Variants in CNTN5 observed in about 807,000 individuals in gnomAD.
CNTN5 encodes contactin 5, also known as contactin-5.
In CNTN5, 77 loss-of-function variants were observed where a neutral mutation model predicts 129.1. That is an observed-to-expected ratio of 0.60 (90% CI 0.50 to 0.72). The LOEUF (loss-of-function observed/expected upper bound fraction) is 0.72. CNTN5 is among the 30% of genes least tolerant of loss of function. CNTN5 has a pLI of 0.00. For missense variants in CNTN5, 1,478 were observed against 1,328.8 expected (o/e 1.11, Z -1.75); for synonymous variants, 509 against 465.6 (o/e 1.09, Z -1.20).
Position 99,030,780 on chromosome 11 carries a change from CT to C in CNTN5, c.-210+9528del, listed in dbSNP as rs71305325. ...AAATGTGGCGTCTAATGCTAACTCT[CT>C]TTTTTTTTTTTTTTTTTGAGATGGA... On this transcript the variant is annotated intron_variant, in intron 1 of 24. Coordinates refer to ENST00000524871, the MANE Select transcript of CNTN5 (RefSeq NM_014361.4). 8.9e-3 allele frequency among the ~76,000 whole-genome samples: 1,075 copies of C among 120,186 alleles called. 6 individuals are homozygous for C. Among genetic ancestry groups the C allele is most frequent in the African/African-American group, 0.029 (907 of 31,554 alleles). The allele number at this position is 120,186 out of a possible 152,430, so 78.8% of individuals were successfully genotyped here. A position where few individuals can be genotyped will look rare whatever the true frequency, so the allele number is the denominator to read the frequency against.
chr11:99,132,302 G>A (rs182309352), intron 1 of CNTN5, among the ~76,000 whole-genome samples: 2 of 152,150 alleles, frequency 1.3e-5, no homozygotes, highest in African/African-American at 4.8e-5. Flanking sequence ...ATATCATAAT[G>A]AAAGGGCAAC....
intron 9 of CNTN5, among the ~76,000 whole-genome samples, chr11:100,013,514 C>A (rs116547435): frequency 1.2e-3 from 189 of 152,262 alleles, no homozygotes; most frequent in African/African-American, 4.4e-3. Context: ...TAAAACTAAA[C>A]TTCTACCTTG....
chr11:99,954,850 T>C (rs144979756), intron 7 of CNTN5, among the ~76,000 whole-genome samples: 2 of 152,286 alleles, frequency 1.3e-5, no homozygotes, highest in African/African-American at 4.8e-5. Context: ...CTTCACTACA[T>C]GAAACTGAAA....
intron 1 of CNTN5, among the ~76,000 whole-genome samples, chr11:99,037,644 G>A (rs114759079): frequency 0.012 from 1,755 of 141,148 alleles, 37 homozygotes; most frequent in African/African-American, 0.044. Context: ...GCAGTGATGC[G>A]ATCTCGGTTC....
At chr11:99,882,603 T>C (rs1430749401) in intron 6 of CNTN5, among the ~76,000 whole-genome samples, 1 of 152,168 alleles carries the variant, frequency 6.6e-6, no homozygotes, top group African/African-American at 2.4e-5. Context: ...TGTATGTGTT[T>C]ATGGGGTACA....
At position 99,529,227 on chromosome 11, in the gene CNTN5, C is replaced by T. The variant is rs139905651; in HGVS notation, c.-70-26918C>T. On this transcript the variant is annotated intron_variant, in intron 2 of 24. Transcript: ENST00000524871. ...GAGGGCAGATCTTCCCCACCTGATC[C>T]ACTCAGGTTCGCACACTAGTCTCCT... 1.1e-4 allele frequency among the ~76,000 whole-genome samples: 17 copies of T among 152,280 alleles called. No homozygotes were observed. The East Asian group carries it at 2.5e-3, about 22-fold the overall frequency.
At chr11:100,341,239 C>T (rs200948215) in intron 23 of CNTN5, 34 bp downstream of exon 23, 1 of 1,427,496 alleles carries the variant, frequency 7.0e-7, no homozygotes, top group Non-Finnish European at 9.9e-7. Flanking sequence ...CATAGATACT[C>T]ATCTCCGAAA....
At chr11:99,827,202 G>A (rs548233579) in intron 4 of CNTN5, among the ~76,000 whole-genome samples, 118 of 152,078 alleles carry the variant, frequency 7.8e-4, no homozygotes, top group Middle Eastern at 3.4e-3. Context: ...ATTCTCTAAC[G>A]TCAGCCTCTC....
intron 13 of CNTN5, among the ~76,000 whole-genome samples, chr11:100,101,716 T>C (rs995985801): frequency 6.6e-5 from 10 of 152,222 alleles, no homozygotes; most frequent in African/African-American, 2.4e-4. Context: ...TGTAGTCTTT[T>C]ATTGCTCACC....
At chr11:99,344,728 A>G (rs114246403) in intron 2 of CNTN5, among the ~76,000 whole-genome samples, 117 of 152,334 alleles carry the variant, frequency 7.7e-4, no homozygotes, top group African/African-American at 2.7e-3. Context: ...TGAGCAGCAC[A>G]CTGCTTGGTG....
intron 2 of CNTN5, among the ~76,000 whole-genome samples, chr11:99,535,074 TA>T (rs1222243977): frequency 6.6e-6 from 1 of 152,186 alleles, no homozygotes; most frequent in Non-Finnish European, 1.5e-5. Context: ...ATGAAGAATA[TA>T]GTCTGCACTA....
intron 7 of CNTN5, among the ~76,000 whole-genome samples, chr11:99,919,802 ATTTAT>A (rs145689745): frequency 0.19 from 27,360 of 147,526 alleles, 3,064 homozygotes; most frequent in African/African-American, 0.31. Context: ...TTTCTAGAAT[ATTTAT>A]TTTATTTTAT....
At chr11:99,409,500 C>T (rs976262630) in intron 2 of CNTN5, among the ~76,000 whole-genome samples, 3 of 152,114 alleles carry the variant, frequency 2.0e-5, no homozygotes, top group Non-Finnish European at 4.4e-5. Flanking sequence ...AATAAAGGCA[C>T]TGACAAAAAT....
intron 2 of CNTN5, among the ~76,000 whole-genome samples, chr11:99,399,879 TAGA>T (rs934639215): frequency 2.5e-4 from 38 of 152,066 alleles, no homozygotes; most frequent in African/African-American, 8.4e-4. Context: ...TGTGGGTACA[TAGA>T]AGGTGGATAC....
rs1398385638 is a variant in CNTN5, at chr11:99,845,240, A to G, written c.555A>G (p.Arg185=). ...ACACTGTGGGGAGTATTCTTAGTAGAGAAGCTACACTGCAGTTTGCCTGTG... is the reference window on the plus strand; with the variant it reads ...ACACTGTGGGGAGTATTCTTAGTAGGGAAGCTACACTGCAGTTTGCCTGTG... The part of the protein sequence containing the change: ...ATNTVGSILS[R]EATLQFAYLG... Residue 185 remains arginine, a synonymous_variant, in exon 6 of 25, where the codon AGA becomes AGG. Coordinates refer to ENST00000524871, the MANE Select transcript of CNTN5 (RefSeq NM_014361.4). 1.2e-6 allele frequency: 2 copies of G among 1,612,690 alleles called. No individual in the cohort carries two copies. Among genetic ancestry groups the G allele is most frequent in the Non-Finnish European group, 1.7e-6 (2 of 1,179,298 alleles).
chr11:99,758,070 T>C (rs991162739), intron 3 of CNTN5, among the ~76,000 whole-genome samples: 5 of 152,110 alleles, frequency 3.3e-5, no homozygotes, highest in Non-Finnish European at 7.4e-5. Flanking sequence ...GTTGTCATAC[T>C]GTTGCTTTGA....
chr11:100,011,777 A>AT (rs1940548982), intron 9 of CNTN5, among the ~76,000 whole-genome samples: 1 of 152,110 alleles, frequency 6.6e-6, no homozygotes, highest in Admixed American at 6.6e-5. Flanking sequence ...CTAGTTATCA[A>AT]TTCATAAAAT....
At position 99,150,330 on chromosome 11, in the gene CNTN5, C is replaced by T. The variant is rs113507696; in HGVS notation, c.-210+129060C>T. ...TAAAATGCCTGCTTAGGCTTTTTAA[C>T]ATATCAAATAACATATCATGTATTT... On this transcript the variant is annotated intron_variant, in intron 1 of 24. Coordinates refer to ENST00000524871, the MANE Select transcript of CNTN5 (RefSeq NM_014361.4). 1.7e-4 allele frequency among the ~76,000 whole-genome samples: 26 copies of T among 152,116 alleles called. 1 individual carries two copies. The highest frequency in any genetic ancestry group is 5.5e-4 in the African/African-American group (23 of 41,558).
intron 6 of CNTN5, among the ~76,000 whole-genome samples, chr11:99,888,595 T>G (rs2135892066): frequency 6.6e-6 from 1 of 152,302 alleles, no homozygotes; most frequent in Non-Finnish European, 1.5e-5. Context: ...TTATTTTTAT[T>G]TCTAAGATCA....
Sources: allele counts gnomAD v4.1 joint callset (sites outside exome capture counted in the v4.1 genomes callset), GRCh38; gene constraint gnomAD v4.1.1; transcripts MANE v1.5; gene names NCBI Gene and HGNC (gene_info 2026-07-23, HGNC 2026-07-21).